Variants in MBL2 observed in about 807,000 individuals in gnomAD.
The protein encoded by MBL2 is mannose-binding protein C.
In MBL2, 6 loss-of-function variants were observed where a neutral mutation model predicts 12.7. The observed-to-expected ratio is 0.47, with a 90% CI of 0.26 to 0.94. The LOEUF (loss-of-function observed/expected upper bound fraction) is 0.94. MBL2 is among the 40% of genes least tolerant of loss of function. MBL2 has a pLI of 0.15. For missense variants in MBL2, 307 were observed against 295.2 expected (o/e 1.04, Z -0.29); for synonymous variants, 114 against 112.0 (o/e 1.02, Z -0.11).
At position 52,768,153 on chromosome 10, in the gene MBL2, C is replaced by A. The variant is rs998457048; in HGVS notation, c.731G>T (p.Cys244Phe). 2.5e-6 allele frequency: 4 copies of A among 1,604,558 alleles called. No homozygotes were observed. Among genetic ancestry groups the A allele is most frequent in the South Asian group, 1.1e-5 (1 of 89,086 alleles). ...TATGACCCTTCAGATAGGGAACTCA[C>A]AGACGGCCAGATGGGAGGTGGAGCA... ...VPCSTSHLAV[C>F]EFPI The change falls in exon 5 of 5, where the codon TGT (cysteine) becomes TTT (phenylalanine). Residue 244 changes from cysteine (C) to phenylalanine (F), a missense_variant. Coordinates refer to ENST00000674931, the MANE Select transcript of MBL2 (RefSeq NM_001378373.1).
In MBL2 at chr10:52,767,516, C is replaced by A. The variant is rs1840324808; in HGVS notation, c.*621G>T. ...AGTTATAACGGGGCTTCTAGGGAGT[C>A]AAAAATGTCCCATATCTTAATCTAG... On this transcript the variant is annotated 3_prime_UTR_variant, in exon 5 of 5. Transcript: ENST00000674931. The A allele has an allele frequency of 6.6e-6, 1 of 151,786 alleles. No individual in the cohort carries two copies. Among genetic ancestry groups the A allele is most frequent in the African/African-American group, 2.4e-5 (1 of 41,178 alleles). The allele number at this position is 151,786 out of a possible 1,614,324, so 9.4% of individuals were successfully genotyped here.
intron 1 of MBL2, 50 bp downstream of exon 1, chr10:52,772,687 C>T (rs1371567445): frequency 1.0e-6 from 1 of 981,692 alleles, no homozygotes; most frequent in Admixed American, 6.2e-5. Context: ...ATGTCAGCTC[C>T]CCAAACCCTT....
Position 52,771,584 on chromosome 10 carries a change from A to G in MBL2, c.52T>C (p.Ser18Pro). 1 of 1,613,992 alleles carries G rather than the reference A, an allele frequency of 6.2e-7. No homozygotes were observed. The highest frequency in any genetic ancestry group is 8.5e-7 in the Non-Finnish European group (1 of 1,179,904). ...PLLLLSMVAASYSETVTCEDA... is the reference protein window; with the variant it reads ...PLLLLSMVAAPYSETVTCEDA... Reference sequence around the variant, plus strand: ...TCACAGGTCACAGTTTCTGAGTAAGACGCTGCCACCATACTCAGGAGAAGG... The same window carrying G: ...TCACAGGTCACAGTTTCTGAGTAAGGCGCTGCCACCATACTCAGGAGAAGG... The change falls in exon 2 of 5, where the codon TCT becomes CCT. Residue 18 changes from serine (S) to proline (P), a missense_variant. Physicochemically the swap from Ser to Pro is moderately conservative, Grantham distance 74. Transcript: ENST00000674931.
intron 3 of MBL2, 70 bp downstream of exon 3, chr10:52,770,600 A>C: frequency 5.3e-6 from 5 of 935,910 alleles, no homozygotes; most frequent in Non-Finnish European, 7.4e-6. Context: ...GAGAAGGGGC[A>C]CCTCTTACCA....
Position 52,772,775 on chromosome 10 carries a change from C to T in MBL2, c.-48G>A, listed in dbSNP as rs1161775508. The T allele has an allele frequency of 1.0e-6, 1 of 985,168 alleles. No individual in the cohort carries two copies. The highest frequency in any genetic ancestry group is 1.2e-6 in the Non-Finnish European group (1 of 829,846). 61.0% of individuals were successfully genotyped at this position (985,168 alleles called of 1,614,324 possible). ...GAGCAGGGACTCAGTGACAAGGACGCTGGCCCTCTAGCCTGGGGCTCTGGC... is the reference window on the plus strand; with the variant it reads ...GAGCAGGGACTCAGTGACAAGGACGTTGGCCCTCTAGCCTGGGGCTCTGGC... On this transcript the variant is annotated 5_prime_UTR_variant, in exon 1 of 5. Coordinates refer to ENST00000674931, the MANE Select transcript of MBL2 (RefSeq NM_001378373.1).
At position 52,766,105 on chromosome 10, in the gene MBL2, G is replaced by T. The variant is rs977172176; in HGVS notation, c.*2032C>A. 6.6e-6 allele frequency: 1 copy of T among 152,052 alleles called. No homozygotes were observed. Among genetic ancestry groups the T allele is most frequent in the Non-Finnish European group, 1.5e-5 (1 of 68,000 alleles). 9.4% of individuals were successfully genotyped at this position (152,052 alleles called of 1,614,324 possible). ...TAAAGAAATTCTAGTTACATGAAGC[G>T]ATACATGATGAACATTGATTAGAGA... On this transcript the variant is annotated 3_prime_UTR_variant, in exon 5 of 5. Transcript: ENST00000674931.
In MBL2 at chr10:52,768,262, A is replaced by G; in HGVS notation, c.622T>C (p.Trp208Arg). ...LTGNRLTYTN[W>R]NEGEPNNAGS... is the part of the protein sequence containing the mutation. ...GCATTGTTGGGTTCACCCTCGTTCC[A>G]GTTTGTGTAGGTCAGTCTATTTCCT... Residue 208 changes from tryptophan to arginine, a missense_variant, in exon 5 of 5, where the codon TGG (tryptophan) becomes CGG (arginine). Physicochemically the swap from Trp to Arg is moderately radical, Grantham distance 101. Transcript: ENST00000674931. 2.5e-6 allele frequency: 4 copies of G among 1,613,924 alleles called. No homozygotes were observed. Among genetic ancestry groups the G allele is most frequent in the Non-Finnish European group, 2.5e-6 (3 of 1,180,026 alleles).
In MBL2 at chr10:52,771,590, C is replaced by A; in HGVS notation, c.46G>T (p.Ala16Ser). Reference protein sequence around the residue: ...SLPLLLLSMVAASYSETVTCE... With the variant: ...SLPLLLLSMVSASYSETVTCE... ...GTCACAGTTTCTGAGTAAGACGCTG[C>A]CACCATACTCAGGAGAAGGAGAGGG... The change falls in exon 2 of 5, where the codon GCA becomes TCA. Residue 16 changes from alanine (A) to serine (S), a missense_variant. Transcript: ENST00000674931. 5.0e-6 allele frequency: 8 copies of A among 1,613,910 alleles called. No individual in the cohort carries two copies. Among genetic ancestry groups the A allele is most frequent in the Non-Finnish European group, 6.8e-6 (8 of 1,179,866 alleles).
At position 52,767,740 on chromosome 10, in the gene MBL2, G is replaced by C. The variant is rs1840327640; in HGVS notation, c.*397C>G. On this transcript the variant is annotated 3_prime_UTR_variant, in exon 5 of 5. Transcript: ENST00000674931. ...ATTAAACTGTGGTGATGTCATTAGG[G>C]GAGCCCTCTACCCAAACAGAAAGGA... 1 of 155,772 alleles carries C rather than the reference G, an allele frequency of 6.4e-6. No individual in the cohort carries two copies. The highest frequency in any genetic ancestry group is 2.4e-5 in the African/African-American group (1 of 41,370). 9.6% of individuals were successfully genotyped at this position (155,772 alleles called of 1,614,324 possible).
intron 2 of MBL2, among the ~76,000 whole-genome samples, chr10:52,771,142 C>A (rs1397664686): frequency 6.6e-6 from 1 of 152,118 alleles, no homozygotes; most frequent in Non-Finnish European, 1.5e-5. Flanking sequence ...GCCTCTTGAA[C>A]CTGGTGCCAT....
intron 1 of MBL2, among the ~76,000 whole-genome samples, chr10:52,772,484 G>A (rs931136286): frequency 6.6e-6 from 1 of 152,126 alleles, no homozygotes; most frequent in Non-Finnish European, 1.5e-5. Flanking sequence ...AACCTCAGCA[G>A]CCTAGCCCCA....
chr10:52,771,346 G>T, intron 2 of MBL2, 103 bp downstream of exon 2: 2 of 1,315,266 alleles, frequency 1.5e-6, no homozygotes, highest in South Asian at 1.4e-5. Flanking sequence ...TTACAGTATA[G>T]TTGAGAAAAA....
At chr10:52,771,854 G>A (rs1247290593) in intron 1 of MBL2, among the ~76,000 whole-genome samples, 1 of 152,182 alleles carries the variant, frequency 6.6e-6, no homozygotes, top group Non-Finnish European at 1.5e-5. Context: ...TGAGCAGTGG[G>A]GATCCTAAGG....
chr10:52,768,392 G>C lies in MBL2; in HGVS notation c.492C>G (p.Thr164=), dbSNP rs771050855. 6.2e-7 allele frequency: 1 copy of C among 1,613,624 alleles called. No individual in the cohort carries two copies. Residue 164 remains threonine (T), a synonymous_variant, in exon 5 of 5, where the codon ACC becomes ACG. Coordinates refer to ENST00000674931, the MANE Select transcript of MBL2 (RefSeq NM_001378373.1). ...LCVKFQASVA[T]PRNAAENGAI... is the part of the protein sequence containing the mutation. ...CTCCATTCTCTGCAGCATTCCTGGG[G>C]GTGGCCACAGAGGCCTGGAACTTGA...
At chr10:52,771,357 TATACTC>T in intron 2 of MBL2, 86 bp downstream of exon 2, 1 of 1,403,716 alleles carries the variant, frequency 7.1e-7, no homozygotes, top group Non-Finnish European at 9.7e-7. Context: ...TTGAGAAAAA[TATACTC>T]AAATAGGACA....
intron 3 of MBL2, 104 bp from the exon 4 acceptor site, chr10:52,769,419 T>C: frequency 1.6e-6 from 1 of 641,720 alleles, no homozygotes; most frequent in Non-Finnish European, 2.7e-6. Flanking sequence ...AAAAAAAGCT[T>C]ATTTTACATT....
rs958737690 is a variant in MBL2 at position 52,765,394 on chromosome 10, G to C, written c.*2743C>G. 1.2e-4 allele frequency: 18 copies of C among 152,150 alleles called. No homozygotes were observed. The highest frequency in any genetic ancestry group is 4.3e-4 in the African/African-American group (18 of 41,438). 9.4% of individuals were successfully genotyped at this position (152,150 alleles called of 1,614,324 possible). On this transcript the variant is annotated 3_prime_UTR_variant, in exon 5 of 5. Transcript: ENST00000674931. ...ACAAGATAAAATGTGACTAAATGGA[G>C]TTTATTCCATCAAAGCAAGGTTGAT... is the stretch of plus-strand genomic sequence containing the variant.
At chr10:52,770,558 G>A in intron 3 of MBL2, 112 bp downstream of exon 3, 1 of 601,796 alleles carries the variant, frequency 1.7e-6, no homozygotes, top group Non-Finnish European at 2.7e-6. Flanking sequence ...GGGTCAGAAA[G>A]CAAATTTGGG....
In MBL2 at chr10:52,766,913, T is replaced by A. The variant is rs1351896935; in HGVS notation, c.*1224A>T. The A allele has an allele frequency of 6.6e-6, 1 of 151,996 alleles. No homozygotes were observed. The highest frequency in any genetic ancestry group is 1.5e-5 in the Non-Finnish European group (1 of 68,020). 9.4% of individuals were successfully genotyped at this position (151,996 alleles called of 1,614,324 possible). ...GCATATAAAAAAGTGTTCAACCTTA[T>A]TACATGTTGGGGAAATACAGATTAA... On this transcript the variant is annotated 3_prime_UTR_variant, in exon 5 of 5. Transcript: ENST00000674931.
Sources: gnomAD v4.1 joint callset for allele counts (sites outside exome capture counted in the v4.1 genomes callset) on GRCh38, gnomAD v4.1.1 for gene constraint, MANE v1.5 for transcripts, NCBI Gene and HGNC (gene_info 2026-07-23, HGNC 2026-07-21) for gene names.